PHLPP1: variants seen among roughly 807,000 people sequenced by gnomAD.
PHLPP1 encodes the protein PH domain and leucine rich repeat protein phosphatase 1.
A neutral mutation model predicts 117.2 loss-of-function variants in PHLPP1; 42 were observed. The observed-to-expected ratio is 0.36, with a 90% CI of 0.28 to 0.46. The LOEUF (loss-of-function observed/expected upper bound fraction) is 0.46. Ranked by LOEUF, PHLPP1 falls within the 20% of genes least tolerant of loss-of-function variation. PHLPP1 has a pLI of 1.00. For synonymous variants in PHLPP1, 1,042 were observed against 970.7 expected (o/e 1.07, Z -1.37); for missense variants, 2,084 against 2,241.9 (o/e 0.93, Z 1.42).
chr18:62,891,327 C>T (rs1427474160), intron 4 of PHLPP1, among the ~76,000 whole-genome samples: 3 of 152,224 alleles, frequency 2.0e-5, no homozygotes, highest in Non-Finnish European at 4.4e-5. Context: ...GTGGCTTACG[C>T]CTGTAATCCC....
chr18:62,776,656 C>A (rs1184662822), intron 1 of PHLPP1, among the ~76,000 whole-genome samples: 1 of 149,826 alleles, frequency 6.7e-6, no homozygotes, highest in Non-Finnish European at 1.5e-5. Flanking sequence ...GTGGCCCAGG[C>A]TGAAGTGCAG....
intron 1 of PHLPP1, among the ~76,000 whole-genome samples, chr18:62,791,978 T>A (rs184087383): frequency 7.3e-4 from 111 of 152,164 alleles, no homozygotes; most frequent in Admixed American, 2.5e-3. Context: ...AGACATTTTC[T>A]CTCTTTCTGA....
At chr18:62,872,037 C>G (rs1915918634) in intron 4 of PHLPP1, among the ~76,000 whole-genome samples, 1 of 152,242 alleles carries the variant, frequency 6.6e-6, no homozygotes, top group Admixed American at 6.5e-5. Flanking sequence ...ATAGAGGAGG[C>G]AAAACTTTAC....
At chr18:62,747,951 T>C in intron 1 of PHLPP1, among the ~76,000 whole-genome samples, 1 of 152,242 alleles carries the variant, frequency 6.6e-6, no homozygotes, top group African/African-American at 2.4e-5. Context: ...TGGATGATAT[T>C]GATTCTTTGG....
chr18:62,828,035 TG>T (rs2144329423), intron 1 of PHLPP1, among the ~76,000 whole-genome samples: 1 of 152,146 alleles, frequency 6.6e-6, no homozygotes, highest in South Asian at 2.1e-4. Flanking sequence ...TGTGTGTGTG[TG>T]TGTGTGTGTA....
chr18:62,766,079 ATATAT>A (rs1568109441), intron 1 of PHLPP1, among the ~76,000 whole-genome samples: 1,978 of 38,300 alleles, frequency 0.052, 214 homozygotes, highest in Non-Finnish European at 0.1. Context: ...AAAAAAAAAT[ATATAT>A]ATATATATAT....
At chr18:62,916,900 C>T (rs963850410) in intron 9 of PHLPP1, among the ~76,000 whole-genome samples, 7 of 150,568 alleles carry the variant, frequency 4.6e-5, no homozygotes, top group East Asian at 1.9e-4. Flanking sequence ...ACTACAGGTA[C>T]GCACCACCAT....
chr18:62,916,466 C>CT (rs1183879889), intron 9 of PHLPP1, among the ~76,000 whole-genome samples: 1 of 151,854 alleles, frequency 6.6e-6, no homozygotes, highest in Non-Finnish European at 1.5e-5. Flanking sequence ...CTGAAAAGCT[C>CT]TGTTAATTTC....
chr18:62,730,406 G>A (rs1054330849), intron 1 of PHLPP1, among the ~76,000 whole-genome samples: 2 of 152,152 alleles, frequency 1.3e-5, no homozygotes, highest in African/African-American at 2.4e-5. Flanking sequence ...GGTGGAAAGA[G>A]CACTGGAGCC....
intron 1 of PHLPP1, 83 bp downstream of exon 1, chr18:62,717,342 C>T (rs1366836469): frequency 2.0e-6 from 3 of 1,503,380 alleles, no homozygotes; most frequent in Non-Finnish European, 2.7e-6. Context: ...TCAGTTTGCC[C>T]AACCCAAGAG....
At chr18:62,877,044 A>G (rs963837554) in intron 4 of PHLPP1, among the ~76,000 whole-genome samples, 2 of 152,210 alleles carry the variant, frequency 1.3e-5, no homozygotes, top group African/African-American at 4.8e-5. Context: ...ATGAGCGATG[A>G]GAAACTCCTA....
intron 10 of PHLPP1, among the ~76,000 whole-genome samples, chr18:62,929,490 G>A (rs1173883182): frequency 1.3e-5 from 2 of 152,166 alleles, no homozygotes; most frequent in Non-Finnish European, 2.9e-5. Flanking sequence ...AGCTGTTTGG[G>A]CGTGATGTAC....
At chr18:62,926,881 C>T (rs142037185) in intron 10 of PHLPP1, among the ~76,000 whole-genome samples, 4 of 152,192 alleles carry the variant, frequency 2.6e-5, no homozygotes, top group African/African-American at 9.6e-5. Flanking sequence ...GCATCAATTC[C>T]CAGCAATTAC....
chr18:62,762,098 C>G (rs978618265), intron 1 of PHLPP1, among the ~76,000 whole-genome samples: 1 of 151,974 alleles, frequency 6.6e-6, no homozygotes, highest in Non-Finnish European at 1.5e-5. Context: ...ATTATAAGTG[C>G]TATGAGTATT....
intron 1 of PHLPP1, among the ~76,000 whole-genome samples, chr18:62,746,566 T>TC (rs1286874593): frequency 2.0e-5 from 3 of 152,218 alleles, no homozygotes; most frequent in Admixed American, 2.0e-4. Flanking sequence ...ATTTTTTCTT[T>TC]TAAAAAATGT....
At position 62,766,088 on chromosome 18, in the gene PHLPP1, T is replaced by A. The variant is rs1193844991; in HGVS notation, c.1576+48829T>A. Among the ~76,000 whole-genome samples, 104 of 68,082 alleles carry A rather than the reference T, an allele frequency of 1.5e-3. 13 individuals are homozygous for A. Among genetic ancestry groups the A allele is most frequent in the South Asian group, 5.0e-3 (11 of 2,188 alleles). The allele number at this position is 68,082 out of a possible 152,430, so 44.7% of individuals were successfully genotyped here. On this transcript the variant is annotated intron_variant, in intron 1 of 16. Coordinates refer to ENST00000262719, the MANE Select transcript of PHLPP1 (RefSeq NM_194449.4). ...AAAAAAAAAAAAAAATATATATATA[T>A]ATATATATATATATAAAATATATAT...
chr18:62,874,081 G>A (rs1431780523), intron 4 of PHLPP1, among the ~76,000 whole-genome samples: 2 of 151,742 alleles, frequency 1.3e-5, no homozygotes, highest in Non-Finnish European at 2.9e-5. Context: ...CTACTCGTGA[G>A]GCTGAGACAG....
chr18:62,945,335 C>T, intron 12 of PHLPP1, 64 bp downstream of exon 12: 1 of 1,341,698 alleles, frequency 7.5e-7, no homozygotes, highest in South Asian at 1.5e-5. Flanking sequence ...CTTCCTAACT[C>T]ATCAACTCAG....
rs34653454 is a variant in PHLPP1, at chr18:62,849,649, CAAAAAAAAAAA to C, written c.1899+10750_1899+10760del. Among the ~76,000 whole-genome samples, 29 of 82,810 alleles carry C rather than the reference CAAAAAAAAAAA, an allele frequency of 3.5e-4. 1 individual carries two copies. Among genetic ancestry groups the C allele is most frequent in the Non-Finnish European group, 7.1e-5 (3 of 42,548 alleles). 54.3% of individuals were successfully genotyped at this position (82,810 alleles called of 152,430 possible). A position where few individuals can be genotyped will look rare whatever the true frequency, so the allele number is the denominator to read the frequency against. On this transcript the variant is annotated intron_variant, in intron 3 of 16. Coordinates refer to ENST00000262719, the MANE Select transcript of PHLPP1 (RefSeq NM_194449.4). ...TGGATGATAGATTGAGATTCTGTCT[CAAAAAAAAAAA>C]AAAAAAAAATCTACCAGGCATGGTG...
Sources: gnomAD v4.1 joint callset for allele counts (sites outside exome capture counted in the v4.1 genomes callset) on GRCh38, gnomAD v4.1.1 for gene constraint, MANE v1.5 for transcripts, NCBI Gene and HGNC (gene_info 2026-07-23, HGNC 2026-07-21) for gene names.